The following KCNQ5 variants were observed in gnomAD, a reference collection of about 807,000 sequenced individuals.
KCNQ5 encodes potassium voltage-gated channel subfamily KQT member 5.
KCNQ5 carries 30 observed loss-of-function variants against 98.2 expected under a neutral mutation model. That is an observed-to-expected ratio of 0.31 (90% CI 0.23 to 0.41). KCNQ5 has a LOEUF of 0.41. KCNQ5 is among the 10% of genes least tolerant of loss of function. The probability of loss-of-function intolerance (pLI) is 1.00; values close to 1 mark genes in which losing one functional copy is unlikely to be tolerated. For missense variants in KCNQ5, 835 were observed against 1,182.5 expected (o/e 0.71, Z 4.31); for synonymous variants, 458 against 449.4 (o/e 1.02, Z -0.24).
intron 1 of KCNQ5, among the ~76,000 whole-genome samples, chr6:72,905,398 C>T (rs554729272): frequency 9.9e-5 from 15 of 152,010 alleles, no homozygotes; most frequent in Admixed American, 3.9e-4. Flanking sequence ...CTTCTTGGTT[C>T]GGGTCCGTTG....
intron 1 of KCNQ5, among the ~76,000 whole-genome samples, chr6:72,669,299 A>T (rs1045275632): frequency 6.6e-6 from 1 of 152,186 alleles, no homozygotes; most frequent in Non-Finnish European, 1.5e-5. Flanking sequence ...CACAAAAGGG[A>T]AAAATCGGAA....
rs2098915988 is a variant in KCNQ5 at position 72,622,679 on chromosome 6, C to G, written c.398+92C>G. On this transcript the variant is annotated intron_variant, in intron 1 of 13. Transcript: ENST00000370398. This position sits in a 1 kb window ranked among gnomAD's most constrained non-coding sequence, Gnocchi z 6.0. ...CTCCGCGCTCGCGCCCTTGGGCCCC[C>G]GCGCGCGTGCACACGTGGTGGCTTT... is the stretch of plus-strand genomic sequence containing the variant. The G allele has an allele frequency of 1.4e-6, 2 of 1,426,722 alleles. No homozygotes were observed. Among genetic ancestry groups the G allele is most frequent in the Non-Finnish European group, 1.9e-6 (2 of 1,042,620 alleles). 88.4% of individuals were successfully genotyped at this position (1,426,722 alleles called of 1,614,324 possible).
intron 13 of KCNQ5, among the ~76,000 whole-genome samples, chr6:73,193,402 C>G (rs1483289362): frequency 1.3e-5 from 2 of 149,002 alleles, no homozygotes; most frequent in African/African-American, 2.5e-5. Flanking sequence ...CCGAGGCGGG[C>G]AGATCACAAG....
At chr6:73,177,214 GA>G (rs1285768738) in intron 11 of KCNQ5, among the ~76,000 whole-genome samples, 1 of 152,228 alleles carries the variant, frequency 6.6e-6, no homozygotes, top group Non-Finnish European at 1.5e-5. Context: ...TCAGTAGAAG[GA>G]AAAGGGTTTG....
intron 1 of KCNQ5, among the ~76,000 whole-genome samples, chr6:72,983,659 T>G (rs1582136604): frequency 6.6e-6 from 1 of 152,230 alleles, no homozygotes. Flanking sequence ...ACCAACCTTC[T>G]GAAGCCTACT....
chr6:72,638,141 G>T (rs17748966), intron 1 of KCNQ5, among the ~76,000 whole-genome samples: 5,876 of 152,236 alleles, frequency 0.039, 127 homozygotes, highest in Middle Eastern at 0.12. Context: ...TGTGCCAATC[G>T]TGTGGACTCC....
chr6:72,952,817 T>C (rs190676682), intron 1 of KCNQ5, among the ~76,000 whole-genome samples: 1 of 152,328 alleles, frequency 6.6e-6, no homozygotes, highest in East Asian at 1.9e-4. Context: ...ATCCCTTCTT[T>C]ATCATCCTGC....
At chr6:73,034,899 G>A (rs1448201007) in intron 2 of KCNQ5, among the ~76,000 whole-genome samples, 54 of 142,650 alleles carry the variant, frequency 3.8e-4, no homozygotes, top group Non-Finnish European at 9.0e-5. Flanking sequence ...AAGCTGGAGT[G>A]CAGTGGCATG....
chr6:72,962,109 C>T (rs1767384501), intron 1 of KCNQ5, among the ~76,000 whole-genome samples: 1 of 150,582 alleles, frequency 6.6e-6, no homozygotes, highest in Non-Finnish European at 1.5e-5. Flanking sequence ...GCCTGGGAGA[C>T]AGAGTTTGCA....
intron 1 of KCNQ5, among the ~76,000 whole-genome samples, chr6:72,946,129 A>G (rs1766535682): frequency 6.6e-6 from 1 of 152,208 alleles, no homozygotes; most frequent in Admixed American, 6.5e-5. Flanking sequence ...GCTGTTCAAG[A>G]GAAAACAGTT....
intron 3 of KCNQ5, among the ~76,000 whole-genome samples, chr6:73,047,850 T>C (rs975766380): frequency 3.3e-5 from 5 of 152,236 alleles, no homozygotes; most frequent in East Asian, 1.9e-4. Flanking sequence ...ACTATAATTA[T>C]GGTGTTACAG....
At chr6:72,650,561 T>A (rs1032220080) in intron 1 of KCNQ5, among the ~76,000 whole-genome samples, 4 of 152,154 alleles carry the variant, frequency 2.6e-5, no homozygotes, top group Admixed American at 1.3e-4. Context: ...TGGTTTGCCC[T>A]CTGGGGAAAA....
intron 1 of KCNQ5, among the ~76,000 whole-genome samples, chr6:72,644,758 T>C (rs1765501305): frequency 6.6e-6 from 1 of 152,150 alleles, no homozygotes; most frequent in Non-Finnish European, 1.5e-5. Context: ...GTGCATCCCG[T>C]AGTCCTTCTT....
intron 8 of KCNQ5, among the ~76,000 whole-genome samples, chr6:73,122,220 A>G (rs1000618441): frequency 2.0e-5 from 3 of 152,224 alleles, no homozygotes; most frequent in African/African-American, 7.2e-5. Flanking sequence ...AGGTAAATGT[A>G]AAAAGGGAAT....
intron 5 of KCNQ5, among the ~76,000 whole-genome samples, chr6:73,096,382 C>A (rs1358013910): frequency 7.0e-6 from 1 of 142,012 alleles, no homozygotes; most frequent in East Asian, 2.0e-4. Context: ...AATAGCAAGG[C>A]AGGAGGGGCA....
intron 1 of KCNQ5, among the ~76,000 whole-genome samples, chr6:72,962,202 CATAT>C (rs202160601): frequency 1.8e-5 from 1 of 56,538 alleles, no homozygotes; most frequent in African/African-American, 4.0e-5. Flanking sequence ...TATATATATA[CATAT>C]ATATATATAT....
intron 1 of KCNQ5, among the ~76,000 whole-genome samples, chr6:72,878,392 G>C (rs2150170255): frequency 6.6e-6 from 1 of 151,820 alleles, no homozygotes; most frequent in East Asian, 1.9e-4. Flanking sequence ...TTTCTTTTTT[G>C]GTACTCTGAT....
chr6:73,198,185 AGT>A lies in KCNQ5; in HGVS notation c.*2776_*2777del, dbSNP rs1363589132. On this transcript the variant is annotated 3_prime_UTR_variant, in exon 14 of 14. Coordinates refer to ENST00000370398, the MANE Select transcript of KCNQ5 (RefSeq NM_019842.4). ...AGTAGCCATATGCTTTCTGAGTACAAGTGTGTCTGCCTTCTTCAACATGTAGG... is the reference window on the plus strand; with the variant it reads ...AGTAGCCATATGCTTTCTGAGTACAAGTGTCTGCCTTCTTCAACATGTAGG... The A allele has an allele frequency of 6.6e-6, 1 of 152,202 alleles. No homozygotes were observed. The highest frequency in any genetic ancestry group is 1.5e-5 in the Non-Finnish European group (1 of 68,030). The allele number at this position is 152,202 out of a possible 1,614,324, so 9.4% of individuals were successfully genotyped here. A position where few individuals can be genotyped will look rare whatever the true frequency, so the allele number is the denominator to read the frequency against.
chr6:73,121,757 A>G (rs370368373), intron 8 of KCNQ5, among the ~76,000 whole-genome samples: 19 of 152,224 alleles, frequency 1.2e-4, no homozygotes, highest in Admixed American at 7.2e-4. Flanking sequence ...AGCAGAATGC[A>G]TACCATTGGG....
Sources: allele counts gnomAD v4.1 joint callset (sites outside exome capture counted in the v4.1 genomes callset), GRCh38; gene constraint gnomAD v4.1.1; non-coding constraint Gnocchi (gnomAD v3.1); transcripts MANE v1.5; gene names NCBI Gene and HGNC (gene_info 2026-07-23, HGNC 2026-07-21).